SLC4A4: variants seen among roughly 807,000 people sequenced by gnomAD.
The protein encoded by SLC4A4 is solute carrier family 4 member 4, also known as electrogenic sodium bicarbonate cotransporter 1.
In SLC4A4, 27 loss-of-function variants were observed where a neutral mutation model predicts 111.5. The observed-to-expected ratio is 0.24, with a 90% CI of 0.18 to 0.33. The LOEUF (loss-of-function observed/expected upper bound fraction) is 0.33, where lower values mean the gene tolerates loss of function less well. Ranked by LOEUF, SLC4A4 falls within the 10% of genes least tolerant of loss-of-function variation. SLC4A4 has a pLI of 1.00. For missense variants in SLC4A4, 909 were observed against 1,315.5 expected, an observed-to-expected ratio of 0.69 and a Z score of 4.78; for synonymous variants, 443 against 463.4, an observed-to-expected ratio of 0.96 and a Z score of 0.57.
At chr4:71,304,310 A>C (rs1227964135) in intron 3 of SLC4A4, among the ~76,000 whole-genome samples, 1 of 152,248 alleles carries the variant, frequency 6.6e-6, no homozygotes, top group Non-Finnish European at 1.5e-5. Context: ...TTCTGAATCC[A>C]AAAGCCTGAG....
intron 6 of SLC4A4, among the ~76,000 whole-genome samples, chr4:71,366,422 C>G (rs1033629001): frequency 5.3e-5 from 8 of 149,540 alleles, no homozygotes; most frequent in African/African-American, 2.0e-4. Context: ...TGGTTTTGGA[C>G]AAGTTGATTC....
intron 2 of SLC4A4, among the ~76,000 whole-genome samples, chr4:71,159,323 T>G (rs1744560918): frequency 6.6e-6 from 1 of 152,182 alleles, no homozygotes; most frequent in Non-Finnish European, 1.5e-5. Context: ...TATAAATTTT[T>G]CTATCTCTCT....
intron 6 of SLC4A4, among the ~76,000 whole-genome samples, chr4:71,383,377 G>A (rs1230673868): frequency 2.6e-5 from 4 of 152,002 alleles, no homozygotes; most frequent in Non-Finnish European, 5.9e-5. Context: ...CTCTTGTATT[G>A]GTTTGCCTAA....
chr4:71,345,337 A>G (rs2148896623), intron 4 of SLC4A4, among the ~76,000 whole-genome samples: 1 of 152,170 alleles, frequency 6.6e-6, no homozygotes, highest in South Asian at 2.1e-4. Flanking sequence ...TTCTTTATTC[A>G]TTTGAGTAGG....
At chr4:71,430,904 G>A (rs567877195) in intron 7 of SLC4A4, among the ~76,000 whole-genome samples, 57 of 152,264 alleles carry the variant, frequency 3.7e-4, no homozygotes, top group African/African-American at 1.3e-3. Flanking sequence ...ACTCTTGTCA[G>A]GGGAGGAGTT....
At chr4:71,530,198 A>T (rs1733795642) in intron 16 of SLC4A4, among the ~76,000 whole-genome samples, 1 of 152,070 alleles carries the variant, frequency 6.6e-6, no homozygotes, top group Non-Finnish European at 1.5e-5. Flanking sequence ...CTGACAGTAG[A>T]TCATTTAGTT....
intron 2 of SLC4A4, among the ~76,000 whole-genome samples, chr4:71,171,109 C>T (rs988653829): frequency 7.3e-5 from 11 of 151,680 alleles, no homozygotes; most frequent in Non-Finnish European, 1.6e-4. Flanking sequence ...TTTCATTCAA[C>T]AGTTGATGAA....
chr4:71,385,267 C>T (rs1336155024), intron 6 of SLC4A4, among the ~76,000 whole-genome samples: 3 of 125,454 alleles, frequency 2.4e-5, no homozygotes, highest in Non-Finnish European at 4.7e-5. Context: ...GGCATGATCT[C>T]GGCTCACCAC....
At chr4:71,097,061 G>T (rs1253961585) in intron 2 of SLC4A4, among the ~76,000 whole-genome samples, 1 of 152,090 alleles carries the variant, frequency 6.6e-6, no homozygotes, top group Non-Finnish European at 1.5e-5. Flanking sequence ...ACATTTACAG[G>T]TTTGCTATAT....
chr4:71,130,816 A>G (rs1034698306), intron 2 of SLC4A4, among the ~76,000 whole-genome samples: 7 of 152,144 alleles, frequency 4.6e-5, no homozygotes, highest in African/African-American at 1.7e-4. Context: ...CTCTGTGAAG[A>G]TTTGTGGAAT....
At chr4:71,076,653 A>G (rs551398511) in intron 1 of SLC4A4, among the ~76,000 whole-genome samples, 1 of 152,284 alleles carries the variant, frequency 6.6e-6, no homozygotes, top group Admixed American at 6.5e-5. Flanking sequence ...CTCATTTAAC[A>G]TTAAAAGCCA....
At chr4:71,425,436 T>C in intron 7 of SLC4A4, among the ~76,000 whole-genome samples, 1 of 152,138 alleles carries the variant, frequency 6.6e-6, no homozygotes, top group East Asian at 1.9e-4. Context: ...GGCTAGAATA[T>C]AGCTTTCAGT....
chr4:71,501,275 T>C (rs1292520445), intron 16 of SLC4A4, among the ~76,000 whole-genome samples: 1 of 152,164 alleles, frequency 6.6e-6, no homozygotes, highest in Non-Finnish European at 1.5e-5. Flanking sequence ...ATAGAAACAC[T>C]ACTGAATTGT....
chr4:71,158,005 T>C (rs1744521625), intron 2 of SLC4A4, among the ~76,000 whole-genome samples: 1 of 152,030 alleles, frequency 6.6e-6, no homozygotes, highest in Non-Finnish European at 1.5e-5. Flanking sequence ...TGCTATGGTG[T>C]TTATAAGAGG....
At chr4:71,492,246 C>G (rs553062701) in intron 15 of SLC4A4, among the ~76,000 whole-genome samples, 1 of 151,946 alleles carries the variant, frequency 6.6e-6, no homozygotes, top group African/African-American at 2.4e-5. Flanking sequence ...TACGCATCAC[C>G]TAGCCTCAAT....
At chr4:71,343,759 C>T (rs1483084772) in intron 4 of SLC4A4, among the ~76,000 whole-genome samples, 1 of 152,178 alleles carries the variant, frequency 6.6e-6, no homozygotes, top group Non-Finnish European at 1.5e-5. Context: ...TTCATCTGCT[C>T]TTACTTCCTT....
At chr4:71,445,984 T>G (rs1725193624) in intron 8 of SLC4A4, among the ~76,000 whole-genome samples, 1 of 152,168 alleles carries the variant, frequency 6.6e-6, no homozygotes, top group East Asian at 1.9e-4. Context: ...CAGACTTTGG[T>G]GCCTGCTGAT....
At chr4:71,090,383 G>A (rs994201301) in intron 1 of SLC4A4, among the ~76,000 whole-genome samples, 5 of 152,194 alleles carry the variant, frequency 3.3e-5, no homozygotes, top group East Asian at 1.9e-4. Flanking sequence ...GCTCATGCTC[G>A]GTGCACTGCA....
chr4:71,098,418 G>T (rs1472430422), intron 2 of SLC4A4, among the ~76,000 whole-genome samples: 1 of 152,056 alleles, frequency 6.6e-6, no homozygotes, highest in Non-Finnish European at 1.5e-5. Flanking sequence ...ATGCTGTTTT[G>T]GTTACTGTAG....
Sources: allele counts gnomAD v4.1 joint callset (sites outside exome capture counted in the v4.1 genomes callset), GRCh38; gene constraint gnomAD v4.1.1; transcripts MANE v1.5; gene names NCBI Gene and HGNC (gene_info 2026-07-23, HGNC 2026-07-21).